Variants in LRRIQ3 observed in about 807,000 individuals in gnomAD.
LRRIQ3 encodes the protein leucine rich repeats and IQ motif containing 3.
In LRRIQ3, 75 loss-of-function variants were observed where a neutral mutation model predicts 59.3. That is an observed-to-expected ratio of 1.26 (90% CI 1.05 to 1.53). The LOEUF (loss-of-function observed/expected upper bound fraction) is 1.53. Ranked by LOEUF, LRRIQ3 falls within the 40% of genes most tolerant of loss-of-function variation. LRRIQ3 has a pLI of 0.00. For missense variants in LRRIQ3, 831 were observed against 710.0 expected, an observed-to-expected ratio of 1.17 and a Z score of -1.94; for synonymous variants, 250 against 231.3, an observed-to-expected ratio of 1.08 and a Z score of -0.73.
At chr1:74,077,052 G>T (rs556930381) in intron 5 of LRRIQ3, among the ~76,000 whole-genome samples, 8 of 152,056 alleles carry the variant, frequency 5.3e-5, no homozygotes, top group South Asian at 2.1e-4. Flanking sequence ...AAGTAATGCT[G>T]CTTCTATTTT....
Position 74,169,269 on chromosome 1 carries a change from G to T in LRRIQ3, c.573+13269C>A, listed in dbSNP as rs550352445. Among the ~76,000 whole-genome samples, 26 of 152,016 alleles carry T rather than the reference G, an allele frequency of 1.7e-4. 2 individuals carry two copies. The South Asian group carries it at 2.7e-3, about 16-fold the overall frequency. On this transcript the variant is annotated intron_variant, in intron 3 of 7. Coordinates refer to ENST00000354431, the MANE Select transcript of LRRIQ3 (RefSeq NM_001105659.2). ...GGTAGGATTTCCTTCTTTTTTTAAGGCTAAACAATATTCAATTGTGTATGT... is the reference window on the plus strand; with the variant it reads ...GGTAGGATTTCCTTCTTTTTTTAAGTCTAAACAATATTCAATTGTGTATGT...
chr1:74,113,151 A>AAAAACC (rs1477504259), intron 4 of LRRIQ3, among the ~76,000 whole-genome samples: 23 of 152,170 alleles, frequency 1.5e-4, no homozygotes, highest in Middle Eastern at 6.8e-3. Context: ...AATAATTTAA[A>AAAAACC]AAAAACCAAA....
chr1:74,054,756 A>ATATC (rs913477146), intron 6 of LRRIQ3, among the ~76,000 whole-genome samples: 9 of 144,254 alleles, frequency 6.2e-5, no homozygotes, highest in East Asian at 4.0e-4. Context: ...ATATATATAT[A>ATATC]TCTATATATC....
intron 4 of LRRIQ3, among the ~76,000 whole-genome samples, chr1:74,133,601 C>G (rs191231217): frequency 5.3e-5 from 8 of 151,778 alleles, no homozygotes; most frequent in African/African-American, 1.9e-4. Context: ...TCTCAGCAAA[C>G]TATTGCAAGG....
intron 7 of LRRIQ3, among the ~76,000 whole-genome samples, chr1:74,031,003 A>G (rs529511772): frequency 5.3e-5 from 8 of 152,342 alleles, no homozygotes; most frequent in African/African-American, 1.4e-4. Flanking sequence ...CAACAGACAC[A>G]TGAAATAATG....
At chr1:74,114,140 T>C (rs1260300091) in intron 4 of LRRIQ3, among the ~76,000 whole-genome samples, 1 of 151,792 alleles carries the variant, frequency 6.6e-6, no homozygotes, top group Admixed American at 6.6e-5. Context: ...TGAAACTACC[T>C]CAAATGGTAG....
At chr1:74,181,341 C>T (rs1305753976) in intron 3 of LRRIQ3, 1 of 152,010 alleles carries the variant, frequency 6.6e-6, no homozygotes, top group Non-Finnish European at 1.5e-5. Flanking sequence ...CTTGTCAATA[C>T]CATTTATTCA....
intron 5 of LRRIQ3, among the ~76,000 whole-genome samples, chr1:74,104,471 C>T (rs1646580474): frequency 6.6e-6 from 1 of 151,922 alleles, no homozygotes; most frequent in South Asian, 2.1e-4. Context: ...ATCTTTCATA[C>T]AATGGAATAT....
chr1:74,164,675 T>C (rs904529754), intron 3 of LRRIQ3, among the ~76,000 whole-genome samples: 1 of 151,600 alleles, frequency 6.6e-6, no homozygotes, highest in Non-Finnish European at 1.5e-5. Context: ...TTTGATTACA[T>C]GCATTTTATC....
chr1:74,164,352 C>G (rs958902601), intron 3 of LRRIQ3, among the ~76,000 whole-genome samples: 1 of 151,330 alleles, frequency 6.6e-6, no homozygotes, highest in African/African-American at 2.4e-5. Context: ...GACTGGTGTT[C>G]TTTTAAGAAA....
intron 5 of LRRIQ3, among the ~76,000 whole-genome samples, chr1:74,097,600 T>C (rs1646466611): frequency 1.3e-5 from 2 of 152,024 alleles, no homozygotes; most frequent in Admixed American, 1.3e-4. Flanking sequence ...AGACACATAA[T>C]TGTCAGATTC....
At chr1:74,044,942 C>G (rs1570018891) in intron 6 of LRRIQ3, among the ~76,000 whole-genome samples, 1 of 152,110 alleles carries the variant, frequency 6.6e-6, no homozygotes, top group Non-Finnish European at 1.5e-5. Flanking sequence ...AGACCAATAA[C>G]TAGTTCTGAA....
chr1:74,134,746 C>T (rs943600353), intron 4 of LRRIQ3, among the ~76,000 whole-genome samples: 2 of 149,312 alleles, frequency 1.3e-5, no homozygotes, highest in African/African-American at 4.9e-5. Flanking sequence ...GAGAAAATAA[C>T]AAAAAACACA....
intron 5 of LRRIQ3, among the ~76,000 whole-genome samples, chr1:74,100,765 A>G (rs1178632077): frequency 1.3e-5 from 2 of 152,100 alleles, no homozygotes; most frequent in Non-Finnish European, 1.5e-5. Flanking sequence ...CACAACTACA[A>G]CCATCTGATC....
At chr1:74,046,755 A>G (rs759775674) in intron 6 of LRRIQ3, among the ~76,000 whole-genome samples, 5 of 152,212 alleles carry the variant, frequency 3.3e-5, no homozygotes, top group Non-Finnish European at 7.3e-5. Flanking sequence ...TTTACAAGAA[A>G]AAAAACAAAC....
chr1:74,115,928 A>G (rs975249801), intron 4 of LRRIQ3, among the ~76,000 whole-genome samples: 2 of 152,076 alleles, frequency 1.3e-5, no homozygotes, highest in Non-Finnish European at 2.9e-5. Flanking sequence ...GATGACAAAA[A>G]CCAAATATTA....
chr1:74,092,996 T>C (rs1646411201), intron 5 of LRRIQ3, among the ~76,000 whole-genome samples: 2 of 152,024 alleles, frequency 1.3e-5, no homozygotes, highest in African/African-American at 4.8e-5. Flanking sequence ...CAAAAACCAG[T>C]AAGTGAAAGA....
In LRRIQ3 at chr1:74,097,834, C is replaced by A. The variant is rs551150017; in HGVS notation, c.867+11560G>T. Reference sequence around the variant, plus strand: ...TTCATAAGTGAAGGAGAAATAAAATCCTTTACAGACAAGCAAAAGTTGAGA... The same window carrying A: ...TTCATAAGTGAAGGAGAAATAAAATACTTTACAGACAAGCAAAAGTTGAGA... On this transcript the variant is annotated intron_variant, in intron 5 of 7. Transcript: ENST00000354431. 3.3e-3 allele frequency among the ~76,000 whole-genome samples: 495 copies of A among 152,136 alleles called. 3 individuals carry two copies. Among genetic ancestry groups the A allele is most frequent in the African/African-American group, 0.011 (454 of 41,506 alleles).
intron 7 of LRRIQ3, among the ~76,000 whole-genome samples, chr1:74,035,875 T>A (rs1653854093): frequency 6.6e-6 from 1 of 152,146 alleles, no homozygotes; most frequent in Non-Finnish European, 1.5e-5. Flanking sequence ...TTGCTTATCC[T>A]CTTCTCCTTG....
Sources: allele counts gnomAD v4.1 joint callset (sites outside exome capture counted in the v4.1 genomes callset), GRCh38; gene constraint gnomAD v4.1.1; transcripts MANE v1.5; gene names NCBI Gene and HGNC (gene_info 2026-07-23, HGNC 2026-07-21).